Variants in TMCO6 observed in about 807,000 individuals in gnomAD.
TMCO6 encodes the protein transmembrane and coiled-coil domain-containing protein 6.
In TMCO6, 47 loss-of-function variants were observed where a neutral mutation model predicts 61.8. The ratio of observed to expected loss-of-function variants is 0.76; its 90% CI spans 0.60 to 0.97. TMCO6 has a LOEUF of 0.97. TMCO6 is among the 50% of genes least tolerant of loss of function. TMCO6 has a pLI of 0.00. For synonymous variants in TMCO6, 261 were observed against 254.2 expected (o/e 1.03, Z -0.25); for missense variants, 557 against 601.6 (o/e 0.93, Z 0.78).
At chr5:140,629,974 C>A in the TMCO6 span, among the ~76,000 whole-genome samples, 3 of 149,626 alleles carry the variant, frequency 2.0e-5, no homozygotes, top group African/African-American at 7.4e-5. Context: ...TATAACATAT[C>A]AATCCTCAAC....
chr5:140,613,386 TAAAAAAA>T, the TMCO6 span, among the ~76,000 whole-genome samples: 29,750 of 87,084 alleles, frequency 0.34, 4,248 homozygotes, highest in African/African-American at 0.43. Context: ...AGACTCTGAC[TAAAAAAA>T]AAAAAAAAAA....
Position 140,639,549 on chromosome 5 carries a change from C to T in TMCO6, c.22C>T (p.Arg8Cys). The change falls in exon 1 of 12, where the codon CGC (arginine) becomes TGC (cysteine). Residue 8 changes from arginine (R) to cysteine (C), a missense_variant. By Grantham distance (180) the Arg-to-Cys change is radical. Coordinates refer to ENST00000394671, the MANE Select transcript of TMCO6 (RefSeq NM_018502.5). Reference sequence around the variant, plus strand: ...CACCATGTGGAGCCGACGGCAGGGCCGCCTCAGGCCCACGGTCTGCGGGGT... The same window carrying T: ...CACCATGTGGAGCCGACGGCAGGGCTGCCTCAGGCCCACGGTCTGCGGGGT... Reference protein sequence around the residue: MWSRRQGRLRPTVCGVEE... With the variant: MWSRRQGCLRPTVCGVEE... 1.3e-6 allele frequency: 2 copies of T among 1,549,774 alleles called. No homozygotes were observed. The highest frequency in any genetic ancestry group is 3.9e-5 in the Admixed American group (2 of 50,784).
the TMCO6 span, among the ~76,000 whole-genome samples, chr5:140,634,155 A>G: frequency 6.6e-6 from 1 of 152,276 alleles, no homozygotes; most frequent in African/African-American, 2.4e-5. Context: ...GGTCACTTAC[A>G]CTATCCATTT....
upstream of TMCO6, among the ~76,000 whole-genome samples, chr5:140,634,476 G>T (rs1039988167): frequency 2.8e-5 from 4 of 143,196 alleles, no homozygotes; most frequent in Non-Finnish European, 6.0e-5. Context: ...AGAACTATAT[G>T]AAAGTCTTTT....
rs762024187 is a variant in TMCO6, at chr5:140,642,885, T to C, written c.690-40T>C. 1.9e-5 allele frequency: 31 copies of C among 1,613,944 alleles called. No homozygotes were observed. In the Admixed American group the frequency reaches 5.0e-4, roughly 26 times the overall value. On this transcript the variant is annotated intron_variant, in intron 6 of 11. Transcript: ENST00000394671. ...CAGGGTTTGGTAAGAACCACTGGCATCTTCGTGGTTCCTACTTACAGCCCT... is the reference window on the plus strand; with the variant it reads ...CAGGGTTTGGTAAGAACCACTGGCACCTTCGTGGTTCCTACTTACAGCCCT...
In TMCO6 at chr5:140,639,488, T is replaced by C. The variant is rs1454670825; in HGVS notation, c.-40T>C. 6.5e-7 allele frequency: 1 copy of C among 1,540,238 alleles called. No individual in the cohort carries two copies. Among genetic ancestry groups the C allele is most frequent in the Non-Finnish European group, 8.8e-7 (1 of 1,138,686 alleles). ...ATCTTCTACGCCCCTGGGAGCGTTG[T>C]GGCTGCTGTTTCCTTCGGCTTTCCT... On this transcript the variant is annotated 5_prime_UTR_variant, in exon 1 of 12. Coordinates refer to ENST00000394671, the MANE Select transcript of TMCO6 (RefSeq NM_018502.5).
chr5:140,619,459 C>A, the TMCO6 span, among the ~76,000 whole-genome samples: 3 of 152,126 alleles, frequency 2.0e-5, no homozygotes, highest in African/African-American at 7.2e-5. Context: ...ATACAATGGT[C>A]CCCAGTAAAA....
chr5:140,644,906 A>G (rs702398), intron 11 of TMCO6, 79 bp from the exon 12 acceptor site: 678,900 of 1,529,212 alleles, frequency 0.44, 153,445 homozygotes, highest in African/African-American at 0.65. Flanking sequence ...CCTCTGGAGT[A>G]GGCTGACCCA....
chr5:140,620,701 G>T, the TMCO6 span, among the ~76,000 whole-genome samples: 1 of 152,162 alleles, frequency 6.6e-6, no homozygotes, highest in Non-Finnish European at 1.5e-5. Context: ...TTTTTAAAAA[G>T]TCTTAATGGG....
chr5:140,607,645 A>G, the TMCO6 span, among the ~76,000 whole-genome samples: 1 of 152,152 alleles, frequency 6.6e-6, no homozygotes, highest in African/African-American at 2.4e-5. Context: ...CAGTGGCTGT[A>G]CCATATCACA....
At chr5:140,597,854 T>C in the TMCO6 span, among the ~76,000 whole-genome samples, 2 of 152,360 alleles carry the variant, frequency 1.3e-5, no homozygotes, top group South Asian at 4.1e-4. Context: ...ATAGGGTCCT[T>C]AGAAATGCTG....
At chr5:140,603,021 C>G in the TMCO6 span, among the ~76,000 whole-genome samples, 1 of 151,514 alleles carries the variant, frequency 6.6e-6, no homozygotes, top group Non-Finnish European at 1.5e-5. Context: ...GAGTGAAATT[C>G]TGTCTCAAAA....
chr5:140,643,078 C>G (rs1561952574), intron 7 of TMCO6, 37 bp downstream of exon 7: 1 of 1,613,514 alleles, frequency 6.2e-7, no homozygotes, highest in Non-Finnish European at 8.5e-7. Flanking sequence ...CAGATCTTCC[C>G]TGGGGCTCCC....
At chr5:140,632,479 T>C in the TMCO6 span, 1 of 1,614,160 alleles carries the variant, frequency 6.2e-7, no homozygotes, top group Non-Finnish European at 8.5e-7. This position sits in a 1 kb window ranked among gnomAD's most constrained non-coding sequence, Gnocchi z 6.2. Flanking sequence ...AGGCCTGGCT[T>C]GAGCCACTGC....
the TMCO6 span, among the ~76,000 whole-genome samples, chr5:140,620,654 C>G: frequency 6.6e-6 from 1 of 152,176 alleles, no homozygotes; most frequent in African/African-American, 2.4e-5. Flanking sequence ...AATCTCTGTG[C>G]TTTTCTCTCA....
chr5:140,625,302 C>G, the TMCO6 span, among the ~76,000 whole-genome samples: 14 of 152,316 alleles, frequency 9.2e-5, no homozygotes, highest in Non-Finnish European at 1.8e-4. Flanking sequence ...TCAGGTGGCT[C>G]TCTATTTCAC....
chr5:140,641,718 G>A lies in TMCO6; in HGVS notation c.252G>A (p.Glu84=). Residue 84 remains glutamate, a synonymous_variant, in exon 3 of 12, where the codon GAG becomes GAA. Coordinates refer to ENST00000394671, the MANE Select transcript of TMCO6 (RefSeq NM_018502.5). Reference sequence around the variant, plus strand: ...GGGGGACAGAGGAAAAGGAGAGAGAGGGGGCTCTGGTCAGCCTTCGTCGAG... The same window carrying A: ...GGGGGACAGAGGAAAAGGAGAGAGAAGGGGCTCTGGTCAGCCTTCGTCGAG... ...AQRGTEEKER[E]GALVSLRRGL... The A allele has an allele frequency of 6.2e-7, 1 of 1,614,198 alleles. No homozygotes were observed. The highest frequency in any genetic ancestry group is 8.5e-7 in the Non-Finnish European group (1 of 1,180,028).
At chr5:140,597,414 C>T in the TMCO6 span, among the ~76,000 whole-genome samples, 1 of 152,260 alleles carries the variant, frequency 6.6e-6, no homozygotes, top group African/African-American at 2.4e-5. Flanking sequence ...CCCAGGTGTG[C>T]AGGCTTCCAT....
the TMCO6 span, among the ~76,000 whole-genome samples, chr5:140,606,905 C>T: frequency 0.49 from 74,660 of 151,414 alleles, 18,801 homozygotes; most frequent in Non-Finnish European, 0.52. Flanking sequence ...TGGAATACAA[C>T]GATGTTGATG....
Sources: gnomAD v4.1 joint callset for allele counts (sites outside exome capture counted in the v4.1 genomes callset) on GRCh38, gnomAD v4.1.1 for gene constraint, Gnocchi (gnomAD v3.1) non-coding constraint, MANE v1.5 for transcripts, NCBI Gene and HGNC (gene_info 2026-07-23, HGNC 2026-07-21) for gene names.